The following H2AZ2 variants were observed in gnomAD, a reference collection of about 807,000 sequenced individuals.
H2AZ2 encodes the protein H2A.Z variant histone 2.
A neutral mutation model predicts 15.5 loss-of-function variants in H2AZ2; 5 were observed. The observed-to-expected ratio is 0.32, with a 90% CI of 0.17 to 0.68. The LOEUF is 0.68. H2AZ2 is among the 30% of genes least tolerant of loss of function. The probability of loss-of-function intolerance (pLI) is 0.72; values close to 1 mark genes in which losing one functional copy is unlikely to be tolerated. For synonymous variants in H2AZ2, 44 were observed against 57.4 expected (o/e 0.77, Z 1.05); for missense variants, 42 against 162.5 (o/e 0.26, Z 4.03).
At chr7:44,827,654 A>G (rs929981959), downstream of H2AZ2, 3 of 152,186 alleles carry the variant, frequency 2.0e-5, no homozygotes, top group Non-Finnish European at 2.9e-5. Context: ...ACCAGAGATG[A>G]TATTCACAAA....
chr7:44,841,104 T>A (rs1793265119), intron 2 of H2AZ2, 92 bp from the exon 3 acceptor site: 3 of 931,492 alleles, frequency 3.2e-6, no homozygotes, highest in Non-Finnish European at 5.0e-6. Context: ...CATGAAATAA[T>A]AAAAAACTTG....
chr7:44,835,304 T>G (rs567558683), intron 4 of H2AZ2: 3 of 436,738 alleles, frequency 6.9e-6, no homozygotes, highest in African/African-American at 6.0e-5. Flanking sequence ...ATATGAAATT[T>G]AGACAAAGAA....
At chr7:44,831,530 TC>T (rs368361059), downstream of H2AZ2, among the ~76,000 whole-genome samples, 3,060 of 148,554 alleles carry the variant, frequency 0.021, 88 homozygotes, top group African/African-American at 0.07. Context: ...TATATTGCAC[TC>T]CCCCCCCCGC....
chr7:44,839,613 C>T (rs1410636020), intron 3 of H2AZ2, among the ~76,000 whole-genome samples: 2 of 149,892 alleles, frequency 1.3e-5, no homozygotes, highest in African/African-American at 2.5e-5. Flanking sequence ...ATCCGGGAGG[C>T]GGAGGTTGCA....
intron 1 of H2AZ2, among the ~76,000 whole-genome samples, chr7:44,844,561 C>T (rs1380249255): frequency 2.0e-5 from 3 of 152,116 alleles, no homozygotes; most frequent in African/African-American, 7.2e-5. Flanking sequence ...TGCATGTTGG[C>T]CAGGCTGGTC....
chr7:44,831,860 C>A (rs1185120887), downstream of H2AZ2, among the ~76,000 whole-genome samples: 1 of 152,066 alleles, frequency 6.6e-6, no homozygotes, highest in Non-Finnish European at 1.5e-5. Context: ...GCATCCAAAC[C>A]CACTATCAAT....
chr7:44,839,040 C>T (rs909598440), intron 3 of H2AZ2, among the ~76,000 whole-genome samples: 2 of 152,056 alleles, frequency 1.3e-5, no homozygotes, highest in African/African-American at 4.8e-5. Flanking sequence ...GAACTCTTGC[C>T]CAATTAACTT....
At chr7:44,838,318 TTTAA>T in intron 3 of H2AZ2, among the ~76,000 whole-genome samples, 1 of 151,942 alleles carries the variant, frequency 6.6e-6, no homozygotes, top group East Asian at 1.9e-4. Context: ...TAAAATGTAT[TTTAA>T]TTAAAATTTA....
At chr7:44,843,632 C>G (rs1793329891) in intron 1 of H2AZ2, among the ~76,000 whole-genome samples, 1 of 152,164 alleles carries the variant, frequency 6.6e-6, no homozygotes, top group African/African-American at 2.4e-5. Context: ...GACCTTGACT[C>G]ACTGCAAACT....
intron 4 of H2AZ2, chr7:44,835,072 C>T (rs2117025570): frequency 6.0e-6 from 1 of 165,818 alleles, no homozygotes; most frequent in Non-Finnish European, 1.3e-5. Context: ...GTGTGAGCCA[C>T]CGTGCCCAGC....
intron 1 of H2AZ2, among the ~76,000 whole-genome samples, chr7:44,846,901 G>A (rs1793425856): frequency 6.6e-6 from 1 of 152,126 alleles, no homozygotes; most frequent in Non-Finnish European, 1.5e-5. Context: ...TATCCCTAAA[G>A]TCTATTCCAG....
At chr7:44,836,722 C>T (rs989226231) in intron 3 of H2AZ2, among the ~76,000 whole-genome samples, 17 of 151,746 alleles carry the variant, frequency 1.1e-4, no homozygotes, top group Middle Eastern at 3.4e-3. Flanking sequence ...TTCGGCTAGG[C>T]GCGGTGGCTC....
chr7:44,846,370 C>A (rs1291283718), intron 1 of H2AZ2, among the ~76,000 whole-genome samples: 2 of 152,060 alleles, frequency 1.3e-5, no homozygotes, highest in Non-Finnish European at 2.9e-5. Flanking sequence ...GTAATCCCAG[C>A]ACTTTGTCAG....
intron 2 of H2AZ2, among the ~76,000 whole-genome samples, chr7:44,842,828 A>G (rs2117041327): frequency 6.6e-6 from 1 of 152,276 alleles, no homozygotes; most frequent in Non-Finnish European, 1.5e-5. Context: ...AACAGTTTAC[A>G]GCTTAGCCTT....
chr7:44,842,802 C>T (rs1435305624), intron 2 of H2AZ2, among the ~76,000 whole-genome samples: 1 of 152,126 alleles, frequency 6.6e-6, no homozygotes, highest in African/African-American at 2.4e-5. Context: ...CAATGGCTTA[C>T]CACTGCCAAG....
At chr7:44,837,433 GAAAAAA>G (rs71011996) in intron 3 of H2AZ2, among the ~76,000 whole-genome samples, 2 of 87,270 alleles carry the variant, frequency 2.3e-5, no homozygotes, top group Admixed American at 1.6e-4. Context: ...AAAAAAAAAA[GAAAAAA>G]AAAAAAAAAA....
rs1025136854 is a variant in H2AZ2, at chr7:44,833,426, G to A, written c.*1075C>T. Among the ~76,000 whole-genome samples, 12 of 152,104 alleles carry A rather than the reference G, an allele frequency of 7.9e-5. No homozygotes were observed. The highest frequency in any genetic ancestry group is 2.9e-4 in the African/African-American group (12 of 41,486). Reference sequence around the variant, plus strand: ...TTTTTGTATTTTTTTAAATAGAGACGGGGTTTCACCATGTTAGCCAGGATG... The same window carrying A: ...TTTTTGTATTTTTTTAAATAGAGACAGGGTTTCACCATGTTAGCCAGGATG... On this transcript the variant is annotated 3_prime_UTR_variant, in exon 5 of 5. Transcript: ENST00000308153.
At position 44,840,957 on chromosome 7, in the gene H2AZ2, C is replaced by A. The variant is rs750427588; in HGVS notation, c.137G>T (p.Arg46Met). 1 of 1,614,074 alleles carries A rather than the reference C, an allele frequency of 6.2e-7. No homozygotes were observed. The highest frequency in any genetic ancestry group is 8.5e-7 in the Non-Finnish European group (1 of 1,180,032). The change falls in exon 3 of 5, where the codon AGG becomes ATG. Residue 46 changes from arginine (R) to methionine (M), a missense_variant. Arg to Met is a moderately conservative substitution (Grantham distance 91). Coordinates refer to ENST00000308153, the MANE Select transcript of H2AZ2 (RefSeq NM_012412.5). ...GTACACGGCAGCAGTGGCACCCACC[C>A]TTCCATGGCTTGTGGTGCGAGTCTT... Reference protein sequence around the residue: ...HLKTRTTSHGRVGATAAVYSA... With the variant: ...HLKTRTTSHGMVGATAAVYSA...
At chr7:44,846,062 CAGAGAGAGACAG>C (rs1793397108) in intron 1 of H2AZ2, among the ~76,000 whole-genome samples, 1 of 75,060 alleles carries the variant, frequency 1.3e-5, no homozygotes, top group African/African-American at 4.1e-5. Flanking sequence ...CACACACACA[CAGAGAGAGACAG>C]AGAGAGAGAG....
Sources: gnomAD v4.1 joint callset for allele counts (sites outside exome capture counted in the v4.1 genomes callset) on GRCh38, gnomAD v4.1.1 for gene constraint, MANE v1.5 for transcripts, NCBI Gene and HGNC (gene_info 2026-07-23, HGNC 2026-07-21) for gene names.